The following CCDC85C variants were observed in gnomAD, a reference collection of about 807,000 sequenced individuals.
The protein encoded by CCDC85C is coiled-coil domain containing 85C, also known as coiled-coil domain-containing protein 85C.
Under a neutral mutation model 38.3 loss-of-function variants are expected in CCDC85C, and 18 were observed. The ratio of observed to expected loss-of-function variants is 0.47; its 90% CI spans 0.33 to 0.70. The LOEUF is 0.70. Among genes scored for constraint, CCDC85C ranks in the 30% least tolerant of loss-of-function variants. The pLI, the probability that CCDC85C is intolerant of heterozygous loss-of-function variation, is 0.03. For synonymous variants in CCDC85C, 264 were observed against 293.8 expected (o/e 0.90, Z 1.04); for missense variants, 566 against 621.2 (o/e 0.91, Z 0.94).
At chr14:99,515,784 C>G (rs781162435) in intron 5 of CCDC85C, among the ~76,000 whole-genome samples, 12 of 152,146 alleles carry the variant, frequency 7.9e-5, no homozygotes, top group Non-Finnish European at 1.8e-4. Context: ...AGGGTTCCAC[C>G]TGGACCTCCT....
intron 1 of CCDC85C, among the ~76,000 whole-genome samples, chr14:99,540,362 G>A (rs537263791): frequency 6.6e-6 from 1 of 152,302 alleles, no homozygotes; most frequent in South Asian, 2.1e-4. Flanking sequence ...GAACAAGAGT[G>A]ATCTGGGCAC....
chr14:99,508,318 G>C lies in CCDC85C; in HGVS notation c.*6928C>G, dbSNP rs1325405861. 1 of 152,312 alleles carries C rather than the reference G, an allele frequency of 6.6e-6. No homozygotes were observed. The highest frequency in any genetic ancestry group is 1.5e-5 in the Non-Finnish European group (1 of 68,104). The allele number at this position is 152,312 out of a possible 1,614,324, so 9.4% of individuals were successfully genotyped here. ...GCCAAGTGCAGTTCCCCTGGTCCGA[G>C]CCTGGGGCTGTGCCTTCACTGAGGA... On this transcript the variant is annotated 3_prime_UTR_variant, in exon 6 of 6. Coordinates refer to ENST00000380243, the MANE Select transcript of CCDC85C (RefSeq NM_001144995.2).
intron 1 of CCDC85C, among the ~76,000 whole-genome samples, chr14:99,561,456 G>C (rs1243559912): frequency 7.9e-5 from 12 of 152,334 alleles, no homozygotes; most frequent in East Asian, 1.9e-4. Context: ...CGGCAGCAGA[G>C]CGCTCTGCTG....
chr14:99,530,232 G>GGCTGGAAA (rs1897466660), intron 2 of CCDC85C, among the ~76,000 whole-genome samples: 1 of 152,230 alleles, frequency 6.6e-6, no homozygotes, highest in Non-Finnish European at 1.5e-5. Flanking sequence ...TTGGCTGGAA[G>GGCTGGAAA]GCTGGAAAGA....
chr14:99,579,393 G>A (rs1160932281), intron 1 of CCDC85C, among the ~76,000 whole-genome samples: 4 of 152,208 alleles, frequency 2.6e-5, no homozygotes, highest in East Asian at 1.9e-4. Context: ...GTGTGACTCC[G>A]AGTCTGCTGT....
Position 99,603,506 on chromosome 14 carries a change from C to G in CCDC85C, c.454G>C (p.Asp152His). The change falls in exon 1 of 6, where the codon GAC becomes CAC. Residue 152 changes from aspartate (D) to histidine (H), a missense_variant. By Grantham distance (81) the Asp-to-His change is moderately conservative (BLOSUM62 -1). This residue lies in a region of CCDC85C where 269 missense variants were observed against 308.2 expected (regional missense o/e 0.87). Coordinates refer to ENST00000380243, the MANE Select transcript of CCDC85C (RefSeq NM_001144995.2). This position sits in a 1 kb window ranked among gnomAD's most constrained non-coding sequence, Gnocchi z 7.5. Reference protein sequence around the residue: ...LELKELVLLLDEERAALAATG... With the variant: ...LELKELVLLLHEERAALAATG... ...GCCGCCAGTGCCGCGCGCTCCTCGT[C>G]CAGCAGCAGCACCAGCTCCTTGAGC... 7 of 1,327,538 alleles carry G rather than the reference C, an allele frequency of 5.3e-6. No homozygotes were observed. The highest frequency in any genetic ancestry group is 6.7e-6 in the Non-Finnish European group (7 of 1,045,848). The allele number at this position is 1,327,538 out of a possible 1,614,324, so 82.2% of individuals were successfully genotyped here. A position where few individuals can be genotyped will look rare whatever the true frequency, so the allele number is the denominator to read the frequency against.
At chr14:99,570,204 G>T (rs1418914448) in intron 1 of CCDC85C, among the ~76,000 whole-genome samples, 1 of 152,188 alleles carries the variant, frequency 6.6e-6, no homozygotes, top group Non-Finnish European at 1.5e-5. Context: ...AATATGGAAA[G>T]TTCTAGCATC....
In CCDC85C at chr14:99,522,200, A is replaced by T. The variant is rs1349723077; in HGVS notation, c.908T>A (p.Phe303Tyr). ...SGEFRTLRKG[F>Y]SPYHSESQLA... is the part of the protein sequence containing the mutation. Reference sequence around the variant, plus strand: ...CTGGGACTCCGAGTGGTAGGGCGAGAAGCCTTTCCGCAGCGTGCGGAACTC... The same window carrying T: ...CTGGGACTCCGAGTGGTAGGGCGAGTAGCCTTTCCGCAGCGTGCGGAACTC... Residue 303 changes from phenylalanine (F) to tyrosine (Y), a missense_variant, in exon 3 of 6, where the codon TTC becomes TAC. Phe to Tyr is a conservative substitution (Grantham distance 22, BLOSUM62 3). This residue lies in a region of CCDC85C where 286 missense variants were observed against 276.4 expected (regional missense o/e 1.03). Coordinates refer to ENST00000380243, the MANE Select transcript of CCDC85C (RefSeq NM_001144995.2). 3.9e-6 allele frequency: 6 copies of T among 1,550,556 alleles called. No homozygotes were observed. The highest frequency in any genetic ancestry group is 5.2e-6 in the Non-Finnish European group (6 of 1,146,924).
rs1897576430 is a variant in CCDC85C at position 99,535,426 on chromosome 14, G to T, written c.867+589C>A. 6.6e-6 allele frequency among the ~76,000 whole-genome samples: 1 copy of T among 152,130 alleles called. No individual in the cohort carries two copies. The highest frequency in any genetic ancestry group is 1.5e-5 in the Non-Finnish European group (1 of 68,026). Reference sequence around the variant, plus strand: ...GCCTGCCCCACCTGCAGCAGGGAAAGCCCTTGTCCTGGCAGTCACACGTCC... The same window carrying T: ...GCCTGCCCCACCTGCAGCAGGGAAATCCCTTGTCCTGGCAGTCACACGTCC... On this transcript the variant is annotated intron_variant, in intron 2 of 5. Coordinates refer to ENST00000380243, the MANE Select transcript of CCDC85C (RefSeq NM_001144995.2). The surrounding 1 kb of genome is among the most constrained non-coding windows in gnomAD (Gnocchi z 5.5).
intron 1 of CCDC85C, among the ~76,000 whole-genome samples, chr14:99,564,778 C>T (rs1398403330): frequency 6.6e-6 from 1 of 152,190 alleles, no homozygotes. Flanking sequence ...CCTTGGCAAC[C>T]GTCCAAATTA....
rs200683291 is a variant in CCDC85C, at chr14:99,510,141, C to A, written c.*5105G>T. The A allele has an allele frequency of 1.3e-6, 2 of 1,587,044 alleles. No individual in the cohort carries two copies. Among genetic ancestry groups the A allele is most frequent in the African/African-American group, 2.7e-5 (2 of 74,468 alleles). On this transcript the variant is annotated 3_prime_UTR_variant, in exon 6 of 6. Transcript: ENST00000380243. ...TGCTGGCGGAGGCCGGGCACTGATG[C>A]GTCTCTCTCCTGCAGACCGGAAGCC... is the stretch of plus-strand genomic sequence containing the variant.
chr14:99,515,511 G>A (rs1422908650), intron 5 of CCDC85C, among the ~76,000 whole-genome samples, 176 bp from the exon 6 acceptor site: 1 of 152,200 alleles, frequency 6.6e-6, no homozygotes, highest in Non-Finnish European at 1.5e-5. Context: ...TGCATGCCGC[G>A]CTAACTATCG....
chr14:99,603,456 GCCGCCA>G lies in CCDC85C; in HGVS notation c.498_503del (p.Gly172_Gly173del). ...GGGAGCCGGCGCCGCCCCCGCCGCC[GCCGCCA>G]CCGCTTGCGGCCCCCGTCGCCGCCA... On this transcript the variant is annotated inframe_deletion, in exon 1 of 6. Coordinates refer to ENST00000380243, the MANE Select transcript of CCDC85C (RefSeq NM_001144995.2). The surrounding 1 kb of genome is among the most constrained non-coding windows in gnomAD (Gnocchi z 7.5). 1 of 1,278,054 alleles carries G rather than the reference GCCGCCA, an allele frequency of 7.8e-7. No individual in the cohort carries two copies. Among genetic ancestry groups the G allele is most frequent in the Non-Finnish European group, 9.8e-7 (1 of 1,017,140 alleles). The allele number at this position is 1,278,054 out of a possible 1,614,324, so 79.2% of individuals were successfully genotyped here. A position where few individuals can be genotyped will look rare whatever the true frequency, so the allele number is the denominator to read the frequency against.
chr14:99,601,919 A>G (rs1297078995), intron 1 of CCDC85C, among the ~76,000 whole-genome samples: 4 of 78,776 alleles, frequency 5.1e-5, no homozygotes, highest in African/African-American at 2.0e-4. Context: ...CTCCCACCCC[A>G]GCCCCCACCC....
At chr14:99,551,974 G>T (rs544121781) in intron 1 of CCDC85C, among the ~76,000 whole-genome samples, 10 of 152,324 alleles carry the variant, frequency 6.6e-5, no homozygotes, top group African/African-American at 2.4e-4. Flanking sequence ...TCCAGGCCCC[G>T]GGCCCATGTG....
At chr14:99,517,694 G>A (rs890202471) in intron 3 of CCDC85C, among the ~76,000 whole-genome samples, 2 of 152,306 alleles carry the variant, frequency 1.3e-5, no homozygotes, top group East Asian at 1.9e-4. Context: ...CCAGCCCTGC[G>A]GGATGAATTG....
chr14:99,567,847 G>C (rs1304035165), intron 1 of CCDC85C, among the ~76,000 whole-genome samples: 1 of 152,164 alleles, frequency 6.6e-6, no homozygotes, highest in Non-Finnish European at 1.5e-5. Flanking sequence ...AAACAAAAAA[G>C]AAATGCACAT....
In CCDC85C at chr14:99,603,251, CG is replaced by C. The variant is rs1241382928; in HGVS notation, c.708del (p.Asp237ThrfsTer42). The C allele has an allele frequency of 1.1e-5, 15 of 1,394,086 alleles. No homozygotes were observed. Among genetic ancestry groups the C allele is most frequent in the Admixed American group, 6.6e-5 (2 of 30,194 alleles). The allele number at this position is 1,394,086 out of a possible 1,614,324, so 86.4% of individuals were successfully genotyped here. ...CGACGTGTGGCTCCTGCCTTGCCGT[CG>C]GGGGCCTTGTGCGGCCCGGGGGGCA... ...PLLPPGPHKA[P>X]DGKAGATRRS... is the part of the protein sequence containing the mutation. On this transcript the variant is annotated frameshift_variant, in exon 1 of 6. Transcript: ENST00000380243. LOFTEE classifies it high-confidence loss of function. This position sits in a 1 kb window ranked among gnomAD's most constrained non-coding sequence, Gnocchi z 7.5.
At chr14:99,543,775 G>T (rs966994470) in intron 1 of CCDC85C, among the ~76,000 whole-genome samples, 2 of 152,158 alleles carry the variant, frequency 1.3e-5, no homozygotes, top group Non-Finnish European at 2.9e-5. Flanking sequence ...CACAGCTCTC[G>T]GAGGGGCAGG....
Sources: gnomAD v4.1 joint callset for allele counts (sites outside exome capture counted in the v4.1 genomes callset) on GRCh38, gnomAD v4.1.1 for gene constraint, gnomAD v4.1.1 regional missense constraint, Gnocchi (gnomAD v3.1) non-coding constraint, MANE v1.5 for transcripts, NCBI Gene and HGNC (gene_info 2026-07-23, HGNC 2026-07-21) for gene names.